Variants in IL17D observed in about 807,000 individuals in gnomAD.
The protein encoded by IL17D is interleukin-17D.
A neutral mutation model predicts 5.7 loss-of-function variants in IL17D; 10 were observed. That is an observed-to-expected ratio of 1.75 (90% CI 1.08 to 2.97). IL17D has a LOEUF of 2.97. Among genes scored for constraint, IL17D ranks in the 30% most tolerant of loss-of-function variants. The pLI, the probability that IL17D is intolerant of heterozygous loss-of-function variation, is 0.00. For missense variants in IL17D, 354 were observed against 292.7 expected (o/e 1.21, Z -1.53); for synonymous variants, 172 against 141.7 (o/e 1.21, Z -1.52).
In IL17D at chr13:20,721,931, A is replaced by C; in HGVS notation, c.586A>C (p.Asn196His). ...KQGAKLLLGP[N>H]DAPAGP Reference sequence around the variant, plus strand: ...GGGCGCCAAGCTCCTGCTGGGCCCCAACGACGCGCCCGCTGGCCCCTGAGG... The same window carrying C: ...GGGCGCCAAGCTCCTGCTGGGCCCCCACGACGCGCCCGCTGGCCCCTGAGG... The change falls in exon 2 of 2, where the codon AAC becomes CAC. Residue 196 changes from asparagine (N) to histidine (H), a missense_variant. By Grantham distance (68) the Asn-to-His change is moderately conservative (BLOSUM62 1). Transcript: ENST00000682841. The C allele has an allele frequency of 1.2e-6, 2 of 1,600,072 alleles. No homozygotes were observed. Among genetic ancestry groups the C allele is most frequent in the Non-Finnish European group, 8.5e-7 (1 of 1,176,076 alleles).
intron 1 of IL17D, among the ~76,000 whole-genome samples, chr13:20,720,803 C>T (rs959845203): frequency 6.6e-6 from 1 of 152,078 alleles, no homozygotes; most frequent in Non-Finnish European, 1.5e-5. Flanking sequence ...CTGTGTCAGT[C>T]ACCGGCTTCC....
chr13:20,709,947 C>T (rs1249064029), intron 1 of IL17D, among the ~76,000 whole-genome samples: 2 of 152,072 alleles, frequency 1.3e-5, no homozygotes, highest in Non-Finnish European at 2.9e-5. Context: ...AGAGTTCCTG[C>T]GACTCCATGG....
chr13:20,719,374 C>T (rs931295519), intron 1 of IL17D, among the ~76,000 whole-genome samples: 4 of 149,354 alleles, frequency 2.7e-5, no homozygotes, highest in African/African-American at 4.9e-5. Context: ...CACATGCCCA[C>T]GCTCACCCAT....
chr13:20,705,174 C>T (rs2058581670), intron 1 of IL17D, among the ~76,000 whole-genome samples: 2 of 152,054 alleles, frequency 1.3e-5, no homozygotes, highest in Non-Finnish European at 2.9e-5. Context: ...CCACAGAGGT[C>T]AAGAAAGGCT....
At position 20,704,226 on chromosome 13, in the gene IL17D, C is replaced by G; in HGVS notation, c.225C>G (p.Gly75=). The change falls in exon 1 of 2, where the codon GGC becomes GGG. Residue 75 remains glycine, a synonymous_variant. Coordinates refer to ENST00000682841, the MANE Select transcript of IL17D (RefSeq NM_001385224.1). ...QARNASCPAG[G]RPADRRFRPP... ...GCAACGCGAGCTGCCCGGCAGGGGG[C>G]AGGCCCGCCGACCGCCGCTTCCGGC... 7.5e-7 allele frequency: 1 copy of G among 1,339,448 alleles called. No homozygotes were observed. The highest frequency in any genetic ancestry group is 9.6e-7 in the Non-Finnish European group (1 of 1,045,002). 83.0% of individuals were successfully genotyped at this position (1,339,448 alleles called of 1,614,324 possible).
chr13:20,704,156 G>C lies in IL17D; in HGVS notation c.155G>C (p.Ser52Thr). The change falls in exon 1 of 2, where the codon AGT becomes ACT. Residue 52 changes from serine to threonine, a missense_variant. Transcript: ENST00000682841. ...GGGCGCCTGGCGGCCGGCGTGCTCA[G>C]TGCCTTCCACCACACGCTGCAGCTG... is the stretch of plus-strand genomic sequence containing the variant. The part of the protein sequence containing the change: ...LYGRLAAGVL[S>T]AFHHTLQLGP... 7.3e-7 allele frequency: 1 copy of C among 1,368,700 alleles called. No homozygotes were observed. Among genetic ancestry groups the C allele is most frequent in the Non-Finnish European group, 9.5e-7 (1 of 1,052,646 alleles). 84.8% of individuals were successfully genotyped at this position (1,368,700 alleles called of 1,614,324 possible).
chr13:20,705,976 C>T (rs1015773152), intron 1 of IL17D, among the ~76,000 whole-genome samples: 1 of 152,180 alleles, frequency 6.6e-6, no homozygotes, highest in African/African-American at 2.4e-5. Context: ...GGAGCCTCTC[C>T]CTGCCGGCTG....
chr13:20,718,954 A>ACACT, intron 1 of IL17D, among the ~76,000 whole-genome samples: 1 of 140,052 alleles, frequency 7.1e-6, no homozygotes, highest in East Asian at 2.3e-4. Context: ...ACCTGCCTCC[A>ACACT]CACACCTGCC....
chr13:20,704,342 C>G, intron 1 of IL17D, 51 bp downstream of exon 1: 3 of 194,944 alleles, frequency 1.5e-5, no homozygotes, highest in Non-Finnish European at 1.6e-5. Flanking sequence ...GAGGGCAGGG[C>G]TGGGCGGGGA....
At chr13:20,710,926 A>G (rs1200159388) in intron 1 of IL17D, among the ~76,000 whole-genome samples, 1 of 152,130 alleles carries the variant, frequency 6.6e-6, no homozygotes, top group Non-Finnish European at 1.5e-5. Flanking sequence ...GTCCTAGGCT[A>G]TTTTCTGCTG....
In IL17D at chr13:20,704,125, C is replaced by A; in HGVS notation, c.124C>A (p.Leu42Met). The A allele has an allele frequency of 1.5e-6, 2 of 1,322,082 alleles. No homozygotes were observed. The highest frequency in any genetic ancestry group is 3.7e-5 in the East Asian group (1 of 26,756). The allele number at this position is 1,322,082 out of a possible 1,614,324, so 81.9% of individuals were successfully genotyped here. A position where few individuals can be genotyped will look rare whatever the true frequency, so the allele number is the denominator to read the frequency against. ...CCGGCCGGAGGAGCTACTGGAGCAG[C>A]TGTACGGGCGCCTGGCGGCCGGCGT... ...ADRPEELLEQ[L>M]YGRLAAGVLS... Residue 42 changes from leucine to methionine, a missense_variant, in exon 1 of 2, where the codon CTG becomes ATG. Physicochemically the swap from Leu to Met is conservative, Grantham distance 15. Coordinates refer to ENST00000682841, the MANE Select transcript of IL17D (RefSeq NM_001385224.1).
Position 20,722,122 on chromosome 13 carries a change from C to T in IL17D, c.*168C>T. 1.7e-6 allele frequency: 1 copy of T among 589,718 alleles called. No individual in the cohort carries two copies. Among genetic ancestry groups the T allele is most frequent in the Non-Finnish European group, 2.9e-6 (1 of 347,348 alleles). The allele number at this position is 589,718 out of a possible 1,614,324, so 36.5% of individuals were successfully genotyped here. A position where few individuals can be genotyped will look rare whatever the true frequency, so the allele number is the denominator to read the frequency against. ...GAGACTCGTAAGCAGCTTCATCTGACACGGGCATCCCTGGCTTGCTTTTAG... is the reference window on the plus strand; with the variant it reads ...GAGACTCGTAAGCAGCTTCATCTGATACGGGCATCCCTGGCTTGCTTTTAG... On this transcript the variant is annotated 3_prime_UTR_variant, in exon 2 of 2. Coordinates refer to ENST00000682841, the MANE Select transcript of IL17D (RefSeq NM_001385224.1).
In IL17D at chr13:20,716,745, C is replaced by T. The variant is rs935275220; in HGVS notation, c.291-4891C>T. Reference sequence around the variant, plus strand: ...GCAGGCTGTCTCCACGGACACATTTCGGTGCTTGTGGGTTCTAGCCAAGAT... The same window carrying T: ...GCAGGCTGTCTCCACGGACACATTTTGGTGCTTGTGGGTTCTAGCCAAGAT... On this transcript the variant is annotated intron_variant, in intron 1 of 1. Transcript: ENST00000682841. This position sits in a 1 kb window ranked among gnomAD's most constrained non-coding sequence, Gnocchi z 4.2. Among the ~76,000 whole-genome samples, 1 of 152,232 alleles carries T rather than the reference C, an allele frequency of 6.6e-6. No homozygotes were observed. The highest frequency in any genetic ancestry group is 2.4e-5 in the African/African-American group (1 of 41,466).
chr13:20,712,243 G>A (rs2058644115), intron 1 of IL17D, among the ~76,000 whole-genome samples: 1 of 152,198 alleles, frequency 6.6e-6, no homozygotes, highest in African/African-American at 2.4e-5. Flanking sequence ...ATTAGAGAAA[G>A]ATTAGGAGTA....
chr13:20,708,881 G>A (rs1277601262), intron 1 of IL17D, among the ~76,000 whole-genome samples: 2 of 147,984 alleles, frequency 1.4e-5, no homozygotes, highest in African/African-American at 5.0e-5. Context: ...GTGGTGGTGG[G>A]CACCAGGAGG....
rs1221808202 is a variant in IL17D, at chr13:20,704,283, G to C, written c.282G>C (p.Trp94Cys). Residue 94 changes from tryptophan (W) to cysteine (C), a missense_variant, in exon 1 of 2, where the codon TGG becomes TGC. Physicochemically the swap from Trp to Cys is radical, Grantham distance 215. Transcript: ENST00000682841. ...PPTNLRSVSP[W>C]AYRISYDPAR... ...CCAACCTGCGCAGCGTGTCGCCCTG[G>C]GCCTACAGGTGAGCCGCGGGCGCGT... 1.6e-6 allele frequency: 2 copies of C among 1,241,548 alleles called. No individual in the cohort carries two copies. The highest frequency in any genetic ancestry group is 2.0e-6 in the Non-Finnish European group (2 of 993,938). 76.9% of individuals were successfully genotyped at this position (1,241,548 alleles called of 1,614,324 possible).
intron 1 of IL17D, among the ~76,000 whole-genome samples, chr13:20,718,614 CCT>C (rs1164153913): frequency 7.9e-6 from 1 of 127,272 alleles, no homozygotes; most frequent in Non-Finnish European, 1.6e-5. Flanking sequence ...CTCAGACACA[CCT>C]GCCCCCCACA....
intron 1 of IL17D, among the ~76,000 whole-genome samples, chr13:20,709,560 A>G (rs890814992): frequency 1.3e-5 from 2 of 152,172 alleles, no homozygotes; most frequent in Non-Finnish European, 2.9e-5. Flanking sequence ...ATGACGTAAT[A>G]TGTACATATG....
chr13:20,721,554 C>T lies in IL17D; in HGVS notation c.291-82C>T, dbSNP rs1350596380. 6 of 1,247,792 alleles carry T rather than the reference C, an allele frequency of 4.8e-6. No individual in the cohort carries two copies. In the African/African-American group the frequency reaches 7.6e-5, roughly 16 times the overall value. The allele number at this position is 1,247,792 out of a possible 1,614,324, so 77.3% of individuals were successfully genotyped here. A position where few individuals can be genotyped will look rare whatever the true frequency, so the allele number is the denominator to read the frequency against. On this transcript the variant is annotated intron_variant, in intron 1 of 1. Coordinates refer to ENST00000682841, the MANE Select transcript of IL17D (RefSeq NM_001385224.1). ...GGACAGGACAGTCCCCGAGGCCCTC[C>T]CCGGTGACTCTAACCAGGGATTTCA...
Sources: gnomAD v4.1 joint callset for allele counts (sites outside exome capture counted in the v4.1 genomes callset) on GRCh38, gnomAD v4.1.1 for gene constraint, Gnocchi (gnomAD v3.1) non-coding constraint, MANE v1.5 for transcripts, NCBI Gene and HGNC (gene_info 2026-07-23, HGNC 2026-07-21) for gene names.